Variants in C14orf93 observed in about 807,000 individuals in gnomAD.
The protein encoded by C14orf93 is chromosome 14 open reading frame 93.
In C14orf93, 23 loss-of-function variants were observed where a neutral mutation model predicts 44.0. The observed-to-expected ratio is 0.52, with a 90% CI of 0.38 to 0.74. The LOEUF (loss-of-function observed/expected upper bound fraction) is 0.74, where lower values mean the gene tolerates loss of function less well. Among genes scored for constraint, C14orf93 ranks in the 30% least tolerant of loss-of-function variants. C14orf93 has a pLI of 0.00. For missense variants in C14orf93, 579 were observed against 678.9 expected (o/e 0.85, Z 1.64); for synonymous variants, 253 against 265.7 (o/e 0.95, Z 0.46).
chr14:23,001,453 CT>C (rs2046291487), intron 1 of C14orf93, among the ~76,000 whole-genome samples: 1 of 152,120 alleles, frequency 6.6e-6, no homozygotes, highest in Non-Finnish European at 1.5e-5. Flanking sequence ...AGCTCTTCCC[CT>C]CTCTTTTATT....
Position 22,996,082 on chromosome 14 carries a change from C to T in C14orf93, c.784G>A (p.Asp262Asn). 1 of 1,614,122 alleles carries T rather than the reference C, an allele frequency of 6.2e-7. No individual in the cohort carries two copies. The highest frequency in any genetic ancestry group is 8.5e-7 in the Non-Finnish European group (1 of 1,180,022). The change falls in exon 3 of 7, where the codon GAC (aspartate) becomes AAC (asparagine). Residue 262 changes from aspartate (D) to asparagine (N), a missense_variant. Asp to Asn is a conservative substitution (Grantham distance 23). Transcript: ENST00000299088. This position sits in a 1 kb window ranked among gnomAD's most constrained non-coding sequence, Gnocchi z 4.1. Reference protein sequence around the residue: ...EDMLNAAAALDSALEESGPGS... With the variant: ...EDMLNAAAALNSALEESGPGS... ...GGGCCTGACTCTTCCAAGGCACTGT[C>T]CAGCGCAGCAGCGGCATTGAGCATG...
chr14:22,998,475 G>A lies in C14orf93; in HGVS notation c.549C>T (p.Leu183=), dbSNP rs2046124690. 3.7e-6 allele frequency: 6 copies of A among 1,609,408 alleles called. No individual in the cohort carries two copies. In the East Asian group the frequency reaches 1.3e-4, roughly 36 times the overall value. ...CGCTGGCAGCCAGCGTGCACCCTGGGAGCCGCATGTCCCTCTGAGTTGCTG... is the reference window on the plus strand; with the variant it reads ...CGCTGGCAGCCAGCGTGCACCCTGGAAGCCGCATGTCCCTCTGAGTTGCTG... The part of the protein sequence containing the change: ...GFPATQRDMR[L]PGCTLAASEA... The change falls in exon 2 of 7, where the codon CTC becomes CTT. Residue 183 remains leucine (L), a synonymous_variant. Coordinates refer to ENST00000299088, the MANE Select transcript of C14orf93 (RefSeq NM_021944.4).
intron 1 of C14orf93, among the ~76,000 whole-genome samples, chr14:23,001,517 T>G (rs943277245): frequency 2.0e-5 from 3 of 152,142 alleles, no homozygotes; most frequent in Admixed American, 2.0e-4. Context: ...CAGGCCAGAG[T>G]GCAATGGCAA....
rs1185239885 is a variant in C14orf93 at position 22,996,048 on chromosome 14, G to T, written c.818C>A (p.Thr273Asn). ...SALEESGPGS[T>N]GELRHSLGLT... ...CCCTAGAGAGTGTCTCAGCTCCCCA[G>T]TGCTCCCAGGGCCTGACTCTTCCAA... Residue 273 changes from threonine (T) to asparagine (N), a missense_variant, in exon 3 of 7, where the codon ACT (threonine) becomes AAT (asparagine). By Grantham distance (65) the Thr-to-Asn change is moderately conservative (BLOSUM62 0). Coordinates refer to ENST00000299088, the MANE Select transcript of C14orf93 (RefSeq NM_021944.4). The surrounding 1 kb of genome is among the most constrained non-coding windows in gnomAD (Gnocchi z 4.1). The T allele has an allele frequency of 9.9e-6, 16 of 1,614,066 alleles. No individual in the cohort carries two copies. Among genetic ancestry groups the T allele is most frequent in the Non-Finnish European group, 1.2e-5 (14 of 1,180,044 alleles).
rs182983042 is a variant in C14orf93 at position 22,996,201 on chromosome 14, T to A, written c.665A>T (p.Gln222Leu). The change falls in exon 3 of 7, where the codon CAA (glutamine) becomes CTA (leucine). Residue 222 changes from glutamine to leucine, a missense_variant. Physicochemically the swap from Gln to Leu is moderately radical, Grantham distance 113. Transcript: ENST00000299088. This position sits in a 1 kb window ranked among gnomAD's most constrained non-coding sequence, Gnocchi z 4.1. ...QRVLVPAYAK[Q>L]LSPATQLAIQ... Reference sequence around the variant, plus strand: ...TGCCAGTTGTGTGGCTGGTGAGAGTTGCTTGGCATAAGCAGGGACCAGAAC... The same window carrying A: ...TGCCAGTTGTGTGGCTGGTGAGAGTAGCTTGGCATAAGCAGGGACCAGAAC... The A allele has an allele frequency of 6.0e-5, 96 of 1,612,026 alleles. No individual in the cohort carries two copies. Among genetic ancestry groups the A allele is most frequent in the Non-Finnish European group, 7.6e-5 (90 of 1,178,630 alleles).
chr14:23,007,645 T>C (rs1472623934), intron 1 of C14orf93, among the ~76,000 whole-genome samples: 2 of 152,188 alleles, frequency 1.3e-5, no homozygotes, highest in African/African-American at 4.8e-5. Context: ...AGGAATTCTC[T>C]CCTTTCTTAG....
chr14:23,003,635 A>G (rs1273220447), intron 1 of C14orf93, among the ~76,000 whole-genome samples: 1 of 151,608 alleles, frequency 6.6e-6, no homozygotes, highest in Non-Finnish European at 1.5e-5. Flanking sequence ...AAGATACAAA[A>G]AACAAAACAA....
chr14:22,986,822 C>A lies in C14orf93; in HGVS notation c.*393G>T. On this transcript the variant is annotated 3_prime_UTR_variant, in exon 7 of 7. Coordinates refer to ENST00000299088, the MANE Select transcript of C14orf93 (RefSeq NM_021944.4). ...AGCAAGACAAGTAGTCACAGGGAAG[C>A]AAAAGGTACAACCTGGGCTGCTTCC... The A allele has an allele frequency of 4.6e-6, 1 of 218,536 alleles. No homozygotes were observed. The highest frequency in any genetic ancestry group is 9.2e-6 in the Non-Finnish European group (1 of 108,544). 13.5% of individuals were successfully genotyped at this position (218,536 alleles called of 1,614,324 possible).
In C14orf93 at chr14:23,003,885, TATATATATATA is replaced by T. The variant is rs1179553006; in HGVS notation, c.-379-4494_-379-4484del. 7.4e-3 allele frequency among the ~76,000 whole-genome samples: 128 copies of T among 17,286 alleles called. 1 individual carries two copies. Among genetic ancestry groups the T allele is most frequent in the Non-Finnish European group, 0.011 (105 of 9,820 alleles). 11.3% of individuals were successfully genotyped at this position (17,286 alleles called of 152,430 possible). A position where few individuals can be genotyped will look rare whatever the true frequency, so the allele number is the denominator to read the frequency against. ...ATATATATATATATATATATATATATATATATATATATATTTTTTTTTTTTTTTTTTTTTTT... is the reference window on the plus strand; with the variant it reads ...ATATATATATATATATATATATATATTATTTTTTTTTTTTTTTTTTTTTTT... On this transcript the variant is annotated intron_variant, in intron 1 of 6. Coordinates refer to ENST00000299088, the MANE Select transcript of C14orf93 (RefSeq NM_021944.4).
In C14orf93 at chr14:22,987,579, A is replaced by G. The variant is rs1185332952; in HGVS notation, c.1253T>C (p.Leu418Pro). The G allele has an allele frequency of 1.2e-6, 2 of 1,613,284 alleles. No homozygotes were observed. Among genetic ancestry groups the G allele is most frequent in the African/African-American group, 1.3e-5 (1 of 75,046 alleles). The change falls in exon 7 of 7, where the codon CTG becomes CCG. Residue 418 changes from leucine (L) to proline (P), a missense_variant. By Grantham distance (98) the Leu-to-Pro change is moderately conservative. Transcript: ENST00000299088. The surrounding 1 kb of genome is among the most constrained non-coding windows in gnomAD (Gnocchi z 5.6). ...MRHFGPEDQRLWNDVTEELMS... is the reference protein window; with the variant it reads ...MRHFGPEDQRPWNDVTEELMS... Reference sequence around the variant, plus strand: ...CAGTTCCTCTGTCACATCATTCCACAGACGTTGGTCCTCAGGTCCAAAATG... The same window carrying G: ...CAGTTCCTCTGTCACATCATTCCACGGACGTTGGTCCTCAGGTCCAAAATG...
chr14:22,989,928 T>C, intron 4 of C14orf93, 83 bp from the exon 5 acceptor site: 1 of 1,466,108 alleles, frequency 6.8e-7, no homozygotes, highest in Non-Finnish European at 9.5e-7. Flanking sequence ...TAATCAACTT[T>C]GTGGCAAATC....
At chr14:23,005,086 G>A (rs183262327) in intron 1 of C14orf93, 6 of 152,114 alleles carry the variant, frequency 3.9e-5, no homozygotes. Context: ...TTCCAGTTGA[G>A]CCTTGAGCAA....
intron 1 of C14orf93, among the ~76,000 whole-genome samples, chr14:23,007,801 T>C (rs1052747746): frequency 7.2e-5 from 11 of 152,056 alleles, no homozygotes; most frequent in African/African-American, 2.4e-4. Flanking sequence ...GTAAAAAGTA[T>C]ATGTGATGAC....
At chr14:23,007,813 T>C (rs1448349529) in intron 1 of C14orf93, among the ~76,000 whole-genome samples, 2 of 152,094 alleles carry the variant, frequency 1.3e-5, no homozygotes, top group Non-Finnish European at 2.9e-5. Flanking sequence ...TGTGATGACC[T>C]GTAGTGATGT....
intron 1 of C14orf93, among the ~76,000 whole-genome samples, chr14:23,009,830 T>G (rs1214360559): frequency 6.6e-6 from 1 of 152,118 alleles, no homozygotes; most frequent in African/African-American, 2.4e-5. Flanking sequence ...AATCTACCAG[T>G]TCTTAAAATG....
chr14:22,996,361 G>C lies in C14orf93; in HGVS notation c.598-93C>G, dbSNP rs766160407. The C allele has an allele frequency of 1.6e-6, 2 of 1,284,866 alleles. No homozygotes were observed. Among genetic ancestry groups the C allele is most frequent in the Non-Finnish European group, 2.1e-6 (2 of 945,004 alleles). 79.6% of individuals were successfully genotyped at this position (1,284,866 alleles called of 1,614,324 possible). A position where few individuals can be genotyped will look rare whatever the true frequency, so the allele number is the denominator to read the frequency against. ...TTTGGCTAAGAATAGTGAACAGAAA[G>C]TGGAAAGAAGGGGAACTCTAGCACA... On this transcript the variant is annotated intron_variant, in intron 2 of 6. Coordinates refer to ENST00000299088, the MANE Select transcript of C14orf93 (RefSeq NM_021944.4). The surrounding 1 kb of genome is among the most constrained non-coding windows in gnomAD (Gnocchi z 4.1).
At chr14:22,990,512 C>T (rs1013016837) in intron 3 of C14orf93, among the ~76,000 whole-genome samples, 2 of 151,890 alleles carry the variant, frequency 1.3e-5, no homozygotes, top group Non-Finnish European at 2.9e-5. Flanking sequence ...CTCTGTCGCC[C>T]AGGCTAGAGT....
intron 1 of C14orf93, among the ~76,000 whole-genome samples, chr14:23,002,465 A>G (rs1489311561): frequency 6.6e-6 from 1 of 151,886 alleles, no homozygotes; most frequent in Non-Finnish European, 1.5e-5. Context: ...AAAAAAAAAA[A>G]AAAAATGAGG....
chr14:22,998,991 A>T lies in C14orf93; in HGVS notation c.33T>A (p.Pro11=). 1 of 1,612,656 alleles carries T rather than the reference A, an allele frequency of 6.2e-7. No individual in the cohort carries two copies. The highest frequency in any genetic ancestry group is 8.5e-7 in the Non-Finnish European group (1 of 1,179,840). Residue 11 remains proline, a synonymous_variant, in exon 2 of 7, where the codon CCT becomes CCA. Transcript: ENST00000299088. MSFSATILFS[P]PSGSEARCCC... The stretch of plus-strand genomic sequence containing the variant: ...AGCATCTGGCCTCGCTGCCACTGGG[A>T]GGGGAGAAGAGAATGGTGGCACTGA...
Sources: allele counts gnomAD v4.1 joint callset (sites outside exome capture counted in the v4.1 genomes callset), GRCh38; gene constraint gnomAD v4.1.1; non-coding constraint Gnocchi (gnomAD v3.1); transcripts MANE v1.5; gene names NCBI Gene and HGNC (gene_info 2026-07-23, HGNC 2026-07-21).